Variants in RYR3 observed in about 807,000 individuals in gnomAD.
RYR3 encodes the protein brain ryanodine receptor-calcium release channel.
Under a neutral mutation model 584.3 loss-of-function variants are expected in RYR3, and 207 were observed. The ratio of observed to expected loss-of-function variants is 0.35; its 90% CI spans 0.32 to 0.40. The LOEUF is 0.40. Ranked by LOEUF, RYR3 falls within the 10% of genes least tolerant of loss-of-function variation. The pLI is 1.00. For missense variants in RYR3, 5,616 were observed against 6,089.2 expected (o/e 0.92, Z 2.59); for synonymous variants, 2,416 against 2,248.5 (o/e 1.07, Z -2.11).
At chr15:33,482,184 T>G (rs1258292983) in intron 2 of RYR3, among the ~76,000 whole-genome samples, 3 of 152,144 alleles carry the variant, frequency 2.0e-5, no homozygotes, top group Admixed American at 6.5e-5. Flanking sequence ...ATTTTGTCCC[T>G]GTTTTTGAAG....
chr15:33,367,941 C>T (rs1008008065), intron 1 of RYR3, among the ~76,000 whole-genome samples: 4 of 152,150 alleles, frequency 2.6e-5, no homozygotes, highest in African/African-American at 9.7e-5. Flanking sequence ...GAATAATCCT[C>T]TGCATTAATC....
intron 54 of RYR3, 35 bp downstream of exon 54, chr15:33,748,295 G>A (rs1565936): frequency 0.11 from 171,727 of 1,606,348 alleles, 10,783 homozygotes; most frequent in East Asian, 0.26. Context: ...ACGCTGGGCC[G>A]ATGGAAGCCA....
chr15:33,485,734 T>C (rs1448225006), intron 2 of RYR3, among the ~76,000 whole-genome samples: 1 of 152,198 alleles, frequency 6.6e-6, no homozygotes, highest in Non-Finnish European at 1.5e-5. Context: ...ACGCATTTTC[T>C]AGATTGTGTC....
intron 92 of RYR3, among the ~76,000 whole-genome samples, chr15:33,844,500 G>GCA (rs970312128): frequency 6.6e-6 from 1 of 152,134 alleles, no homozygotes; most frequent in African/African-American, 2.4e-5. Flanking sequence ...GGGGGAGCGG[G>GCA]CACACACATC....
rs1422881357 is a variant in RYR3, at chr15:33,756,314, G to A, written c.8524G>A (p.Val2842Ile). ...QEFIAHLEAIVSSGKTEKSPR... is the reference protein window; with the variant it reads ...QEFIAHLEAIISSGKTEKSPR... ...TACCTGTGTCTTCGTAGAAGCCATT[G>A]TCAGCAGTGGGAAAACTGAAAAGTC... Residue 2842 changes from valine (V) to isoleucine (I), a missense_variant, in exon 59 of 104, where the codon GTC (valine) becomes ATC (isoleucine). Val to Ile is a conservative substitution (Grantham distance 29). Around this residue, in one of 9 missense-constraint regions of RYR3, gnomAD observed 1,280 missense variants for 1,426.2 expected, o/e 0.90. Coordinates refer to ENST00000634891, the MANE Select transcript of RYR3 (RefSeq NM_001036.6). 2 of 1,577,394 alleles carry A rather than the reference G, an allele frequency of 1.3e-6. No homozygotes were observed. The highest frequency in any genetic ancestry group is 2.7e-5 in the African/African-American group (2 of 74,330).
intron 12 of RYR3, among the ~76,000 whole-genome samples, chr15:33,576,976 A>G (rs683141): frequency 0.85 from 129,337 of 151,828 alleles, 55,591 homozygotes; most frequent in Middle Eastern, 0.96. Context: ...ACCAACAGCG[A>G]ACAAGTGGAG....
At chr15:33,474,892 A>G (rs2049243565) in intron 2 of RYR3, among the ~76,000 whole-genome samples, 1 of 152,140 alleles carries the variant, frequency 6.6e-6, no homozygotes, top group South Asian at 2.1e-4. Flanking sequence ...TAGGTCACTG[A>G]TCTGTGGATC....
chr15:33,326,075 A>G (rs1969661160), intron 1 of RYR3, among the ~76,000 whole-genome samples: 1 of 152,144 alleles, frequency 6.6e-6, no homozygotes, highest in Non-Finnish European at 1.5e-5. Context: ...AAGTGCTGGG[A>G]TTACAGGTGT....
intron 68 of RYR3, among the ~76,000 whole-genome samples, chr15:33,801,247 C>A (rs12438127): frequency 1.3e-5 from 2 of 152,048 alleles, no homozygotes; most frequent in Non-Finnish European, 1.5e-5. Flanking sequence ...AACCTGGAAT[C>A]AATAGAAACG....
Position 33,660,434 on chromosome 15 carries a change from G to A in RYR3, c.4622+11G>A, listed in dbSNP as rs982939864. On this transcript the variant is annotated intron_variant, in intron 34 of 103. Transcript: ENST00000634891. ...CCCCGAGGAGAACAGGTACCAGAGG[G>A]GCCCGCGAAGGAAGGGGCAGGCCTG... 6.5e-6 allele frequency: 10 copies of A among 1,529,754 alleles called. No individual in the cohort carries two copies. Among genetic ancestry groups the A allele is most frequent in the Non-Finnish European group, 8.8e-6 (10 of 1,133,156 alleles). 94.8% of individuals were successfully genotyped at this position (1,529,754 alleles called of 1,614,324 possible).
chr15:33,452,243 C>T (rs1478531485), intron 1 of RYR3, among the ~76,000 whole-genome samples: 2 of 152,184 alleles, frequency 1.3e-5, no homozygotes, highest in Admixed American at 1.3e-4. Context: ...CAGAGTGCTG[C>T]CAGTTCATTG....
At chr15:33,445,335 T>C (rs552387415) in intron 1 of RYR3, among the ~76,000 whole-genome samples, 1 of 152,208 alleles carries the variant, frequency 6.6e-6, no homozygotes, top group East Asian at 1.9e-4. Context: ...AGAAGGAATC[T>C]TAAGTTTGAG....
At chr15:33,843,188 C>T (rs559097976) in intron 91 of RYR3, among the ~76,000 whole-genome samples, 9 of 152,064 alleles carry the variant, frequency 5.9e-5, no homozygotes, top group South Asian at 4.2e-4. Flanking sequence ...GGTGTGTTGG[C>T]GGGCGCCTGT....
At chr15:33,652,680 A>T (rs2062554624) in intron 31 of RYR3, 38 bp from the exon 32 acceptor site, 2 of 1,600,246 alleles carry the variant, frequency 1.2e-6, no homozygotes, top group Non-Finnish European at 1.7e-6. Context: ...AAACTGCCCC[A>T]GTCCAGATTC....
chr15:33,540,749 A>T, intron 6 of RYR3, 42 bp from the exon 7 acceptor site: 1 of 1,245,002 alleles, frequency 8.0e-7, no homozygotes, highest in Non-Finnish European at 1.2e-6. Context: ...TCGGCACTGG[A>T]CTGGTGATTT....
At chr15:33,340,299 T>C (rs1418120821) in intron 1 of RYR3, among the ~76,000 whole-genome samples, 1 of 152,232 alleles carries the variant, frequency 6.6e-6, no homozygotes, top group Non-Finnish European at 1.5e-5. Flanking sequence ...GGATGTGCTC[T>C]TCTTACTGTC....
At chr15:33,667,464 T>G (rs565389856) in intron 36 of RYR3, among the ~76,000 whole-genome samples, 1 of 152,292 alleles carries the variant, frequency 6.6e-6, no homozygotes, top group Admixed American at 6.5e-5. Flanking sequence ...AATTGCACAT[T>G]TTTTCATGTC....
At chr15:33,409,616 G>T (rs951018575) in intron 1 of RYR3, among the ~76,000 whole-genome samples, 1 of 152,272 alleles carries the variant, frequency 6.6e-6, no homozygotes, top group East Asian at 1.9e-4. Flanking sequence ...AAAAACCATT[G>T]TTCCATATCC....
intron 18 of RYR3, among the ~76,000 whole-genome samples, chr15:33,606,155 A>C (rs1481534923): frequency 6.6e-6 from 1 of 152,166 alleles, no homozygotes; most frequent in African/African-American, 2.4e-5. Context: ...CTGCCACTTA[A>C]TGTTTCTTTT....
Sources: allele counts gnomAD v4.1 joint callset (sites outside exome capture counted in the v4.1 genomes callset), GRCh38; gene constraint gnomAD v4.1.1; regional missense constraint gnomAD v4.1.1; transcripts MANE v1.5; gene names NCBI Gene and HGNC (gene_info 2026-07-23, HGNC 2026-07-21).